The following TNRC6A variants were observed in gnomAD, a reference collection of about 807,000 sequenced individuals.
TNRC6A encodes the protein trinucleotide repeat-containing gene 6A protein.
A neutral mutation model predicts 221.2 loss-of-function variants in TNRC6A; 44 were observed. The ratio of observed to expected loss-of-function variants is 0.20; its 90% CI spans 0.16 to 0.26. TNRC6A has a LOEUF of 0.26. Ranked by LOEUF, TNRC6A falls within the 10% of genes least tolerant of loss-of-function variation. TNRC6A has a pLI of 1.00. For synonymous variants in TNRC6A, 847 were observed against 838.5 expected (o/e 1.01, Z -0.18); for missense variants, 2,199 against 2,404.4 (o/e 0.91, Z 1.79).
rs1308792826 is a variant in TNRC6A at position 24,777,189 on chromosome 16, T to C, written c.420T>C (p.Phe140=). The change falls in exon 5 of 25, where the codon TTT becomes TTC. Residue 140 remains phenylalanine, a synonymous_variant. Coordinates refer to ENST00000395799, the MANE Select transcript of TNRC6A (RefSeq NM_014494.4). ...PRYPREVPPR[F]RHQEHKQLLK... The stretch of plus-strand genomic sequence containing the variant: ...ATCCTCGTGAAGTACCTCCACGATT[T>C]CGCCACCAGGAACACAAACAGCTTC... The C allele has an allele frequency of 6.2e-7, 1 of 1,614,176 alleles. No homozygotes were observed. Among genetic ancestry groups the C allele is most frequent in the South Asian group, 1.1e-5 (1 of 91,068 alleles).
rs112138946 is a variant in TNRC6A, at chr16:24,658,714, T to A, written n.402+17705T>A. 3.8e-3 allele frequency among the ~76,000 whole-genome samples: 571 copies of A among 152,174 alleles called. 5 individuals are homozygous for A. Among genetic ancestry groups the A allele is most frequent in the African/African-American group, 0.013 (533 of 41,558 alleles). Reference sequence around the variant, plus strand: ...TTCTTCCTCTTTTTTTCCTGATTAGTTGACTTTTCAATTATTTATTTTACT... The same window carrying A: ...TTCTTCCTCTTTTTTTCCTGATTAGATGACTTTTCAATTATTTATTTTACT... On this transcript the variant is annotated intron_variant and non_coding_transcript_variant, in intron 2 of 2. Coordinates refer to the TNRC6A transcript ENST00000566108.
At chr16:24,811,667 T>C (rs1171937275) in intron 18 of TNRC6A, among the ~76,000 whole-genome samples, 1 of 151,842 alleles carries the variant, frequency 6.6e-6, no homozygotes, top group African/African-American at 2.4e-5. Context: ...ATTTGCACTT[T>C]CGAATGATGC....
intron 1 of TNRC6A, among the ~76,000 whole-genome samples, chr16:24,610,764 C>CCT (rs1900010112): frequency 6.6e-6 from 1 of 152,086 alleles, no homozygotes. Context: ...CTCCTCCTAA[C>CCT]CTCTCTCACC....
At chr16:24,800,472 C>T (rs2058309682) in intron 11 of TNRC6A, among the ~76,000 whole-genome samples, 1 of 152,164 alleles carries the variant, frequency 6.6e-6, no homozygotes, top group African/African-American at 2.4e-5. Context: ...GACATGAGCT[C>T]CTCAGTAAGA....
intron 1 of TNRC6A, among the ~76,000 whole-genome samples, chr16:24,636,527 C>T (rs544937894): frequency 7.9e-5 from 12 of 152,164 alleles, no homozygotes; most frequent in South Asian, 4.1e-4. Context: ...CATGCCACTG[C>T]GCCTGGTTTA....
chr16:24,800,724 C>T (rs1188300544), intron 11 of TNRC6A, among the ~76,000 whole-genome samples: 1 of 152,154 alleles, frequency 6.6e-6, no homozygotes, highest in African/African-American at 2.4e-5. Flanking sequence ...AGAGGTATCT[C>T]ACCGGAGACA....
chr16:24,705,752 A>T (rs1415006431), intron 2 of TNRC6A, among the ~76,000 whole-genome samples: 1 of 152,230 alleles, frequency 6.6e-6, no homozygotes, highest in Non-Finnish European at 1.5e-5. Context: ...ATTTAAGTTT[A>T]AAAATAGCAT....
intron 16 of TNRC6A, 125 bp from the exon 17 acceptor site, chr16:24,806,449 A>T: frequency 7.3e-7 from 1 of 1,367,158 alleles, no homozygotes; most frequent in Non-Finnish European, 1.0e-6. Context: ...TTATGTGAAC[A>T]TTATACAGTG....
chr16:24,823,862 T>G lies in TNRC6A; in HGVS notation c.*55T>G. 1 of 1,367,758 alleles carries G rather than the reference T, an allele frequency of 7.3e-7. No homozygotes were observed. The highest frequency in any genetic ancestry group is 9.5e-7 in the Non-Finnish European group (1 of 1,056,070). The allele number at this position is 1,367,758 out of a possible 1,614,324, so 84.7% of individuals were successfully genotyped here. A position where few individuals can be genotyped will look rare whatever the true frequency, so the allele number is the denominator to read the frequency against. On this transcript the variant is annotated 3_prime_UTR_variant, in exon 25 of 25. Transcript: ENST00000395799. The surrounding 1 kb of genome is among the most constrained non-coding windows in gnomAD (Gnocchi z 4.3). ...CCTCAGACGCGAGGGAAAGGAGCAC[T>G]AAGTGGGGCTCGCCGCCTGCAGCCA...
At chr16:24,698,665 G>A (rs573423750) in intron 2 of TNRC6A, among the ~76,000 whole-genome samples, 1 of 152,272 alleles carries the variant, frequency 6.6e-6, no homozygotes, top group East Asian at 1.9e-4. Context: ...TTTATTTCCA[G>A]AGCCTGTGCT....
intron 1 of TNRC6A, among the ~76,000 whole-genome samples, chr16:24,624,610 C>G (rs552325748): frequency 6.6e-6 from 1 of 152,238 alleles, no homozygotes; most frequent in African/African-American, 2.4e-5. Context: ...TTCCAAGTAG[C>G]TGGAACCACA....
intron 5 of TNRC6A, among the ~76,000 whole-genome samples, chr16:24,779,084 A>G (rs1376515078): frequency 1.3e-5 from 2 of 152,228 alleles, no homozygotes; most frequent in African/African-American, 4.8e-5. Flanking sequence ...TTGCTTCTCA[A>G]AAATAACTAT....
chr16:24,792,663 C>G (rs997303572), intron 6 of TNRC6A, among the ~76,000 whole-genome samples: 1 of 111,384 alleles, frequency 9.0e-6, no homozygotes, highest in Non-Finnish European at 1.7e-5. Flanking sequence ...CAGCCTAATA[C>G]TTCAGATTTT....
intron 11 of TNRC6A, among the ~76,000 whole-genome samples, chr16:24,801,595 G>A (rs898058429): frequency 1.2e-4 from 17 of 143,864 alleles, no homozygotes; most frequent in Admixed American, 4.3e-4. Flanking sequence ...GCGCAATCTC[G>A]GCTCACTGCA....
chr16:24,751,702 T>A (rs2057140493), intron 3 of TNRC6A, among the ~76,000 whole-genome samples: 1 of 152,190 alleles, frequency 6.6e-6, no homozygotes, highest in South Asian at 2.1e-4. Context: ...TATATGCCTT[T>A]TTTGAGCCAG....
At chr16:24,666,664 AAAAAAT>A (rs1377595673) in intron 2 of TNRC6A, among the ~76,000 whole-genome samples, 5 of 106,410 alleles carry the variant, frequency 4.7e-5, no homozygotes, top group Admixed American at 1.1e-4. Context: ...AAAAAAAAAA[AAAAAAT>A]ATATATATAT....
At chr16:24,743,719 C>T (rs546081674) in intron 2 of TNRC6A, among the ~76,000 whole-genome samples, 12 of 152,200 alleles carry the variant, frequency 7.9e-5, no homozygotes, top group African/African-American at 2.9e-4. Flanking sequence ...AACATTTAAT[C>T]ACATTTACTT....
Position 24,743,404 on chromosome 16 carries a change from C to T in TNRC6A, c.54-7322C>T, listed in dbSNP as rs144948736. 5.2e-3 allele frequency among the ~76,000 whole-genome samples: 794 copies of T among 152,218 alleles called. 7 individuals are homozygous for T. Among genetic ancestry groups the T allele is most frequent in the Non-Finnish European group, 7.0e-3 (478 of 68,012 alleles). On this transcript the variant is annotated intron_variant, in intron 2 of 24. Coordinates refer to ENST00000395799, the MANE Select transcript of TNRC6A (RefSeq NM_014494.4). The stretch of plus-strand genomic sequence containing the variant: ...TGTGGAATGATCTTAGCTCACTGTG[C>T]GACCTCTGCTTCCCTGGCTCAAGTG...
intron 4 of TNRC6A, 147 bp downstream of exon 4, chr16:24,758,507 G>A (rs1444168658): frequency 1.0e-5 from 8 of 803,338 alleles, no homozygotes; most frequent in East Asian, 2.7e-5. Context: ...CCCTGGGGTC[G>A]TCCTTTGGAA....
Sources: allele counts gnomAD v4.1 joint callset (sites outside exome capture counted in the v4.1 genomes callset), GRCh38; gene constraint gnomAD v4.1.1; non-coding constraint Gnocchi (gnomAD v3.1); transcripts MANE v1.5; gene names NCBI Gene and HGNC (gene_info 2026-07-23, HGNC 2026-07-21).